Variants in TMEM40 observed in about 807,000 individuals in gnomAD.
The protein encoded by TMEM40 is transmembrane protein 40.
Under a neutral mutation model 40.8 loss-of-function variants are expected in TMEM40, and 34 were observed. The ratio of observed to expected loss-of-function variants is 0.83; its 90% CI spans 0.63 to 1.11. The LOEUF is 1.11. Among genes scored for constraint, TMEM40 ranks in the 50% least tolerant of loss-of-function variants. The pLI is 0.00. For synonymous variants in TMEM40, 106 were observed against 107.0 expected, an observed-to-expected ratio of 0.99 and a Z score of 0.06; for missense variants, 296 against 280.2, an observed-to-expected ratio of 1.06 and a Z score of -0.40.
chr3:12,761,090 T>G (rs930545622), upstream of TMEM40, among the ~76,000 whole-genome samples: 2 of 152,222 alleles, frequency 1.3e-5, no homozygotes, highest in Non-Finnish European at 1.5e-5. Flanking sequence ...CCAAGAAGTG[T>G]TCCAAGGATA....
At chr3:12,735,717 G>T in intron 10 of TMEM40, 100 bp from the exon 11 acceptor site, 1 of 969,974 alleles carries the variant, frequency 1.0e-6, no homozygotes, top group Non-Finnish European at 1.6e-6. Context: ...ACAAAGCTCT[G>T]ATGGTGGAAC....
chr3:12,745,378 A>C (rs117971363), intron 3 of TMEM40, among the ~76,000 whole-genome samples: 1 of 151,884 alleles, frequency 6.6e-6, no homozygotes, highest in Non-Finnish European at 1.5e-5. Context: ...ATTACTCCAA[A>C]TTTTATCAGC....
At chr3:12,746,942 C>T (rs2061433639) in intron 3 of TMEM40, among the ~76,000 whole-genome samples, 1 of 152,078 alleles carries the variant, frequency 6.6e-6, no homozygotes, top group Non-Finnish European at 1.5e-5. Context: ...AACAAACAGC[C>T]CCCTGCCTGC....
chr3:12,744,369 G>C (rs1297190245), intron 3 of TMEM40, among the ~76,000 whole-genome samples: 1 of 152,042 alleles, frequency 6.6e-6, no homozygotes, highest in African/African-American at 2.4e-5. Flanking sequence ...TGTTTGCTGT[G>C]TCTCCCACCC....
At chr3:12,755,241 T>TCTCTC (rs1559533419) in intron 1 of TMEM40, among the ~76,000 whole-genome samples, 4 of 91,848 alleles carry the variant, frequency 4.4e-5, no homozygotes, top group African/African-American at 2.3e-4. Context: ...CTCTCTTTCT[T>TCTCTC]TCTTTCTTTC....
chr3:12,750,098 T>A (rs532379305), intron 1 of TMEM40, among the ~76,000 whole-genome samples: 1 of 151,682 alleles, frequency 6.6e-6, no homozygotes, highest in East Asian at 1.9e-4. Flanking sequence ...GGAAATCAGT[T>A]TTTATCTGTG....
upstream of TMEM40, among the ~76,000 whole-genome samples, chr3:12,763,803 T>C (rs2106624595): frequency 6.6e-6 from 1 of 152,298 alleles, no homozygotes; most frequent in South Asian, 2.1e-4. Flanking sequence ...TGATTGGAAC[T>C]CCCCAGTGAC....
chr3:12,753,680 C>T (rs1047201872), intron 1 of TMEM40, among the ~76,000 whole-genome samples: 5 of 152,180 alleles, frequency 3.3e-5, no homozygotes, highest in African/African-American at 9.6e-5. Flanking sequence ...AGGACTCTAG[C>T]ACCAACTCAG....
At position 12,738,181 on chromosome 3, in the gene TMEM40, A is replaced by C. The variant is rs777785581; in HGVS notation, c.392-13T>G. 5 of 1,613,870 alleles carry C rather than the reference A, an allele frequency of 3.1e-6. No homozygotes were observed. The highest frequency in any genetic ancestry group is 3.4e-6 in the Non-Finnish European group (4 of 1,179,940). ...CTCCTTCGGAGTCCTGGAAACAAGA[A>C]ACTCAACATTAGTGCCCAACCCCGC... On this transcript the variant is annotated splice_polypyrimidine_tract_variant and intron_variant, in intron 6 of 11. Transcript: ENST00000314124.
intron 1 of TMEM40, among the ~76,000 whole-genome samples, chr3:12,764,835 C>T (rs2061586843): frequency 6.6e-6 from 1 of 152,054 alleles, no homozygotes; most frequent in Non-Finnish European, 1.5e-5. Flanking sequence ...AAAGTTAAAC[C>T]CAGGAGGCAG....
At position 12,743,958 on chromosome 3, in the gene TMEM40, T is replaced by C. The variant is rs1478410536; in HGVS notation, c.243A>G (p.Ala81=). 1.9e-6 allele frequency: 3 copies of C among 1,613,418 alleles called. No homozygotes were observed. In the Admixed American group the frequency reaches 5.0e-5, roughly 27 times the overall value. ...ESNDEDQQPR[A]TGKHRRSLGA... ...CCAGGCTCCGTCGATGTTTTCCGGT[T>C]GCTCTGGGTTGCTGGTCCTCATCAT... is the stretch of plus-strand genomic sequence containing the variant. Residue 81 remains alanine (A), a synonymous_variant, in exon 4 of 12, where the codon GCA becomes GCG. Coordinates refer to ENST00000314124, the MANE Select transcript of TMEM40 (RefSeq NM_018306.4).
At chr3:12,737,845 T>G in intron 7 of TMEM40, 91 bp from the exon 8 acceptor site, 1 of 1,308,502 alleles carries the variant, frequency 7.6e-7, no homozygotes, top group East Asian at 2.3e-5. Context: ...ATTAATATCC[T>G]GGGTATATCT....
intron 9 of TMEM40, 54 bp from the exon 10 acceptor site, chr3:12,736,706 C>A: frequency 6.2e-7 from 1 of 1,613,542 alleles, no homozygotes; most frequent in Non-Finnish European, 8.5e-7. Context: ...GACGCCCCTG[C>A]CCCCTGCACC....
Position 12,733,926 on chromosome 3 carries a change from A to C in TMEM40, c.*848T>G, listed in dbSNP as rs1304327322. ...TTTTTTTTTTTTTTTAATTTTAGAGAAACGATCTTGCTCTGTCGCCCAGGC... is the reference window on the plus strand; with the variant it reads ...TTTTTTTTTTTTTTTAATTTTAGAGCAACGATCTTGCTCTGTCGCCCAGGC... On this transcript the variant is annotated 3_prime_UTR_variant, in exon 12 of 12. Transcript: ENST00000314124. 2.0e-5 allele frequency: 3 copies of C among 150,618 alleles called. No individual in the cohort carries two copies. The highest frequency in any genetic ancestry group is 6.6e-5 in the Admixed American group (1 of 15,076). The allele number at this position is 150,618 out of a possible 1,614,324, so 9.3% of individuals were successfully genotyped here.
In TMEM40 at chr3:12,767,557, C is replaced by T. The variant is rs530821728; in HGVS notation, c.-9+1694G>A. The stretch of plus-strand genomic sequence containing the variant: ...TGAAGAGAGAAATGAAGTAACGTAC[C>T]CATCAGATGGGAGTTTATCTGAGCC... On this transcript the variant is annotated intron_variant, in intron 1 of 11. Coordinates refer to the TMEM40 transcript ENST00000264728. Among the ~76,000 whole-genome samples, 3 of 152,190 alleles carry T rather than the reference C, an allele frequency of 2.0e-5. No homozygotes were observed. In the East Asian group the frequency reaches 5.8e-4, roughly 29 times the overall value.
At chr3:12,744,767 G>A (rs74935385) in intron 3 of TMEM40, among the ~76,000 whole-genome samples, 6,250 of 152,260 alleles carry the variant, frequency 0.041, 435 homozygotes, top group African/African-American at 0.14. Flanking sequence ...AGACAGGACC[G>A]TGGGGACCTC....
chr3:12,734,726 G>A lies in TMEM40; in HGVS notation c.*48C>T, dbSNP rs1197041325. The A allele has an allele frequency of 2.5e-6, 4 of 1,575,744 alleles. No individual in the cohort carries two copies. In the South Asian group the frequency reaches 4.6e-5, roughly 18 times the overall value. ...TGCCCTTGTGGGCTCAGGGGTCGCAGTGGTGGTCACACTGGGGCCTGCCTC... is the reference window on the plus strand; with the variant it reads ...TGCCCTTGTGGGCTCAGGGGTCGCAATGGTGGTCACACTGGGGCCTGCCTC... On this transcript the variant is annotated 3_prime_UTR_variant, in exon 12 of 12. Coordinates refer to ENST00000314124, the MANE Select transcript of TMEM40 (RefSeq NM_018306.4).
At chr3:12,762,728 G>A (rs2061577853), upstream of TMEM40, among the ~76,000 whole-genome samples, 1 of 152,202 alleles carries the variant, frequency 6.6e-6, no homozygotes. Context: ...CGGACCAGCT[G>A]CTACAGCATC....
At chr3:12,755,263 C>CTTTCTTTCTTTCTTTCTTTCTTTT (rs1559533470) in intron 1 of TMEM40, among the ~76,000 whole-genome samples, 1 of 104,282 alleles carries the variant, frequency 9.6e-6, no homozygotes, top group African/African-American at 4.9e-5. Flanking sequence ...TTCTTTCTTT[C>CTTTCTTTCTTTCTTTCTTTCTTTT]TTTCTTTCTT....
Sources: allele counts gnomAD v4.1 joint callset (sites outside exome capture counted in the v4.1 genomes callset), GRCh38; gene constraint gnomAD v4.1.1; transcripts MANE v1.5; gene names NCBI Gene and HGNC (gene_info 2026-07-23, HGNC 2026-07-21).